The following CDK18 variants were observed in gnomAD, a reference collection of about 807,000 sequenced individuals.
CDK18 encodes the protein cyclin-dependent kinase 18.
A neutral mutation model predicts 62.0 loss-of-function variants in CDK18; 52 were observed. The ratio of observed to expected loss-of-function variants is 0.84; its 90% CI spans 0.67 to 1.06. The LOEUF (loss-of-function observed/expected upper bound fraction) is 1.06, where lower values mean the gene tolerates loss of function less well. Among genes scored for constraint, CDK18 ranks in the 50% least tolerant of loss-of-function variants. The pLI is 0.00. For missense variants in CDK18, 604 were observed against 619.9 expected, an observed-to-expected ratio of 0.97 and a Z score of 0.27; for synonymous variants, 237 against 247.0, an observed-to-expected ratio of 0.96 and a Z score of 0.38.
Position 205,528,047 on chromosome 1 carries a change from G to A in CDK18, c.854-1G>A. 1 of 1,614,190 alleles carries A rather than the reference G, an allele frequency of 6.2e-7. No individual in the cohort carries two copies. The highest frequency in any genetic ancestry group is 8.5e-7 in the Non-Finnish European group (1 of 1,180,014). On this transcript the variant is annotated splice_acceptor_variant, in intron 9 of 15. Transcript: ENST00000429964. LOFTEE classifies it high-confidence loss of function. This position sits in a 1 kb window ranked among gnomAD's most constrained non-coding sequence, Gnocchi z 4.2. ...AGGTCCAGTGACATGTCTGCCCCCA[G>A]GACTGGCCAGGGCCAAGTCAGTGCC...
At position 205,529,373 on chromosome 1, in the gene CDK18, C is replaced by T; in HGVS notation, c.1122C>T (p.Phe374=). 6.2e-7 allele frequency: 1 copy of T among 1,614,022 alleles called. No homozygotes were observed. The part of the protein sequence containing the change: ...TWPGVTAFSE[F]RTYSFPCYLP... ...CCGGCGTGACCGCCTTCTCTGAGTT[C>T]CGCACCTACAGCTTCCCCTGCTACC... The change falls in exon 12 of 16, where the codon TTC becomes TTT. Residue 374 remains phenylalanine, a synonymous_variant. Transcript: ENST00000429964.
intron 13 of CDK18, chr1:205,529,918 G>T: frequency 7.2e-7 from 1 of 1,384,192 alleles, no homozygotes; most frequent in Non-Finnish European, 9.4e-7. Flanking sequence ...GTCTTGTAAG[G>T]CACACGATGA....
intron 5 of CDK18, 99 bp from the exon 6 acceptor site, chr1:205,525,966 C>G: frequency 1.3e-6 from 1 of 777,244 alleles, no homozygotes; most frequent in Non-Finnish European, 2.1e-6. Flanking sequence ...GGCACTCAGG[C>G]CCCAGTCGTA....
intron 1 of CDK18, 52 bp from the exon 2 acceptor site, chr1:205,523,095 G>C: frequency 6.5e-7 from 1 of 1,543,062 alleles, no homozygotes; most frequent in Non-Finnish European, 8.8e-7. Context: ...GTGGAGACCT[G>C]GACTGGTTGC....
At chr1:205,505,107 G>C (rs1667242103) in intron 1 of CDK18, among the ~76,000 whole-genome samples, 1 of 152,260 alleles carries the variant, frequency 6.6e-6, no homozygotes, top group East Asian at 1.9e-4. Context: ...CCCTTAGGGA[G>C]TCTCCATCTG....
chr1:205,525,424 C>T (rs1029826875), intron 5 of CDK18, among the ~76,000 whole-genome samples: 16 of 152,142 alleles, frequency 1.1e-4, no homozygotes, highest in African/African-American at 3.1e-4. Flanking sequence ...AGCCATGGCC[C>T]TGGGCAGAAT....
rs569758804 is a variant in CDK18 at position 205,517,926 on chromosome 1, C to G, written c.-21-5221C>G. ...ATCCGTTCAAACCCTCCTTACCCCT[C>G]GAGGCCCAACACAGCTGCTCCGCAC... On this transcript the variant is annotated intron_variant, in intron 1 of 15. Coordinates refer to ENST00000429964, the MANE Select transcript of CDK18 (RefSeq NM_212502.3). This position sits in a 1 kb window ranked among gnomAD's most constrained non-coding sequence, Gnocchi z 4.1. Among the ~76,000 whole-genome samples, 4 of 152,162 alleles carry G rather than the reference C, an allele frequency of 2.6e-5. No individual in the cohort carries two copies. The highest frequency in any genetic ancestry group is 5.9e-5 in the Non-Finnish European group (4 of 68,032).
rs1668619259 is a variant in CDK18, at chr1:205,529,386, T to G, written c.1135T>G (p.Phe379Val). Residue 379 changes from phenylalanine (F) to valine (V), a missense_variant, in exon 12 of 16, where the codon TTC becomes GTC. Coordinates refer to ENST00000429964, the MANE Select transcript of CDK18 (RefSeq NM_212502.3). Reference protein sequence around the residue: ...TAFSEFRTYSFPCYLPQPLIN... With the variant: ...TAFSEFRTYSVPCYLPQPLIN... Reference sequence around the variant, plus strand: ...CTTCTCTGAGTTCCGCACCTACAGCTTCCCCTGCTACCTCCCGCAGCCGCT... The same window carrying G: ...CTTCTCTGAGTTCCGCACCTACAGCGTCCCCTGCTACCTCCCGCAGCCGCT... 3.7e-6 allele frequency: 6 copies of G among 1,614,014 alleles called. No individual in the cohort carries two copies. In the East Asian group the frequency reaches 1.3e-4, roughly 36 times the overall value.
intron 1 of CDK18, among the ~76,000 whole-genome samples, chr1:205,509,103 C>A (rs150490812): frequency 6.7e-6 from 1 of 149,498 alleles, no homozygotes; most frequent in Non-Finnish European, 1.5e-5. Context: ...GAGCCGAGGT[C>A]GCACCACTGC....
Position 205,516,531 on chromosome 1 carries a change from C to G in CDK18, c.-21-6616C>G, listed in dbSNP as rs1667826211. 2.6e-5 allele frequency among the ~76,000 whole-genome samples: 4 copies of G among 152,250 alleles called. No homozygotes were observed. Among genetic ancestry groups the G allele is most frequent in the Middle Eastern group, 3.4e-3 (1 of 294 alleles). On this transcript the variant is annotated intron_variant, in intron 1 of 15. Coordinates refer to ENST00000429964, the MANE Select transcript of CDK18 (RefSeq NM_212502.3). This position sits in a 1 kb window ranked among gnomAD's most constrained non-coding sequence, Gnocchi z 4.8. ...GACTTGGGGATGCATCTAACATGTGCCTGGAACACAGCAGGTGCTCCACAT... is the reference window on the plus strand; with the variant it reads ...GACTTGGGGATGCATCTAACATGTGGCTGGAACACAGCAGGTGCTCCACAT...
At chr1:205,514,377 C>T (rs56017731) in intron 1 of CDK18, among the ~76,000 whole-genome samples, 26,166 of 151,912 alleles carry the variant, frequency 0.17, 2,493 homozygotes, top group Non-Finnish European at 0.22. Context: ...AAGCATGCCC[C>T]GGGGAGTCTG....
At chr1:205,508,834 A>C (rs1199009812) in intron 1 of CDK18, among the ~76,000 whole-genome samples, 2 of 142,026 alleles carry the variant, frequency 1.4e-5, no homozygotes, top group African/African-American at 2.6e-5. Context: ...ACAGAACAAG[A>C]ACTTGTCAAA....
rs142581054 is a variant in CDK18 at position 205,509,498 on chromosome 1, T to A, written c.-22+4702T>A. Among the ~76,000 whole-genome samples the A allele has an allele frequency of 3.9e-5, 6 of 152,284 alleles. No individual in the cohort carries two copies. In the East Asian group the frequency reaches 1.2e-3, roughly 29 times the overall value. ...GATTCTGCCTCTTCCACTCAGTAAC[T>A]GGTTGCCTTAGGTTAAGTAATTTGC... On this transcript the variant is annotated intron_variant, in intron 1 of 15. Coordinates refer to ENST00000429964, the MANE Select transcript of CDK18 (RefSeq NM_212502.3).
chr1:205,522,046 G>C (rs1383950189), intron 1 of CDK18, among the ~76,000 whole-genome samples: 1 of 152,202 alleles, frequency 6.6e-6, no homozygotes, highest in African/African-American at 2.4e-5. Flanking sequence ...GGATGAGAGG[G>C]GGGCTGCACT....
rs1575068364 is a variant in CDK18, at chr1:205,523,847, G to A, written c.273+222G>A. ...TTAAATGGGTTTATCTATGCCAAGT[G>A]CTTAGAACATTCCTGAATTTAGCAA... On this transcript the variant is annotated intron_variant, in intron 3 of 15. Transcript: ENST00000429964. 4.6e-6 allele frequency: 3 copies of A among 651,218 alleles called. No individual in the cohort carries two copies. The East Asian group carries it at 8.4e-5, about 18-fold the overall frequency. 40.3% of individuals were successfully genotyped at this position (651,218 alleles called of 1,614,324 possible).
At chr1:205,523,447 G>C (rs747216878) in intron 2 of CDK18, 36 bp from the exon 3 acceptor site, 16 of 1,597,870 alleles carry the variant, frequency 1.0e-5, no homozygotes, top group Non-Finnish European at 1.3e-5. Context: ...TCAGGACAGA[G>C]AGGCAGGGAG....
At chr1:205,519,360 T>C (rs1667996932) in intron 1 of CDK18, among the ~76,000 whole-genome samples, 1 of 152,098 alleles carries the variant, frequency 6.6e-6, no homozygotes, top group Non-Finnish European at 1.5e-5. Flanking sequence ...AATGCCCTGG[T>C]TGTCCCCAGC....
At chr1:205,505,631 G>A (rs1667269652) in intron 1 of CDK18, among the ~76,000 whole-genome samples, 1 of 152,174 alleles carries the variant, frequency 6.6e-6, no homozygotes, top group African/African-American at 2.4e-5. Context: ...TCCAAAATCG[G>A]GTCTGGACTG....
intron 1 of CDK18, among the ~76,000 whole-genome samples, chr1:205,507,015 C>G (rs529062971): frequency 6.6e-6 from 1 of 152,318 alleles, no homozygotes; most frequent in African/African-American, 2.4e-5. Flanking sequence ...CCTACTTGGG[C>G]CGTCCCGCAC....
Sources: allele counts gnomAD v4.1 joint callset (sites outside exome capture counted in the v4.1 genomes callset), GRCh38; gene constraint gnomAD v4.1.1; non-coding constraint Gnocchi (gnomAD v3.1); transcripts MANE v1.5; gene names NCBI Gene and HGNC (gene_info 2026-07-23, HGNC 2026-07-21).